The following DDO variants were observed in gnomAD, a reference collection of about 807,000 sequenced individuals.
DDO encodes the protein D-aspartate oxidase, DDO.
In DDO, 16 loss-of-function variants were observed where a neutral mutation model predicts 16.8. That is an observed-to-expected ratio of 0.95 (90% CI 0.65 to 1.45). DDO has a LOEUF of 1.45. Among genes scored for constraint, DDO ranks in the 40% most tolerant of loss-of-function variants. DDO has a pLI of 0.00. For missense variants in DDO, 429 were observed against 420.3 expected (o/e 1.02, Z -0.18); for synonymous variants, 180 against 167.2 (o/e 1.08, Z -0.59).
intron 4 of DDO, 75 bp downstream of exon 4, chr6:110,404,699 T>C: frequency 1.3e-6 from 2 of 1,505,004 alleles, no homozygotes; most frequent in Non-Finnish European, 1.8e-6. Flanking sequence ...CTTTTCAGTA[T>C]GTATTTTATG....
chr6:110,413,603 A>G, intron 1 of DDO, 137 bp from the exon 2 acceptor site: 1 of 803,388 alleles, frequency 1.2e-6, no homozygotes, highest in South Asian at 1.9e-5. Flanking sequence ...TTCTTGTGAG[A>G]TAAAGAGGAT....
downstream of DDO, among the ~76,000 whole-genome samples, chr6:110,390,473 G>A (rs1411986853): frequency 2.0e-5 from 3 of 152,216 alleles, no homozygotes; most frequent in African/African-American, 7.2e-5. Flanking sequence ...AGCAATTAGT[G>A]AAAATGAAAT....
chr6:110,404,995 A>ATGTTATTTC, intron 3 of DDO, 45 bp from the exon 4 acceptor site: 1 of 1,532,712 alleles, frequency 6.5e-7, no homozygotes, highest in Non-Finnish European at 9.0e-7. Flanking sequence ...TTTGTGAAAT[A>ATGTTATTTC]ACATATTTCT....
At chr6:110,394,949 T>C (rs1773243821) in intron 4 of DDO, among the ~76,000 whole-genome samples, 1 of 152,218 alleles carries the variant, frequency 6.6e-6, no homozygotes, top group Non-Finnish European at 1.5e-5. Context: ...CTTATGTTTC[T>C]TACCATCCCT....
At chr6:110,406,601 TA>T (rs1056890901) in intron 3 of DDO, among the ~76,000 whole-genome samples, 1 of 152,248 alleles carries the variant, frequency 6.6e-6, no homozygotes, top group Non-Finnish European at 1.5e-5. Flanking sequence ...CTTCACTGTG[TA>T]AACTCCCTCA....
At chr6:110,391,396 C>T (rs1773097008), downstream of DDO, among the ~76,000 whole-genome samples, 1 of 143,504 alleles carries the variant, frequency 7.0e-6, no homozygotes, top group African/African-American at 2.7e-5. Flanking sequence ...GTCACCCAGG[C>T]TGGAGTGTAA....
At chr6:110,402,782 G>A (rs1582480980) in intron 4 of DDO, among the ~76,000 whole-genome samples, 1 of 152,156 alleles carries the variant, frequency 6.6e-6, no homozygotes, top group African/African-American at 2.4e-5. Flanking sequence ...CCTTAGCTCT[G>A]TGTCCATTAC....
At chr6:110,399,622 G>A (rs1773408090) in intron 4 of DDO, among the ~76,000 whole-genome samples, 2 of 152,126 alleles carry the variant, frequency 1.3e-5, no homozygotes, top group African/African-American at 4.8e-5. Flanking sequence ...CCTCCTGAGG[G>A]AGGAAAGGGG....
At chr6:110,415,408 C>G (rs1774014397) in intron 1 of DDO, 59 bp downstream of exon 1, 1 of 1,604,678 alleles carries the variant, frequency 6.2e-7, no homozygotes, top group South Asian at 1.1e-5. Flanking sequence ...CAGACACACT[C>G]CCAAACTCCC....
At chr6:110,412,678 G>T (rs902487680) in intron 2 of DDO, among the ~76,000 whole-genome samples, 1 of 152,242 alleles carries the variant, frequency 6.6e-6, no homozygotes, top group African/African-American at 2.4e-5. Flanking sequence ...CAATCAGGAT[G>T]ACAGCTGCTC....
In DDO at chr6:110,392,924, GC is replaced by G. The variant is rs1773152077; in HGVS notation, c.876del (p.Arg293GlufsTer8). 1 of 1,614,094 alleles carries G rather than the reference GC, an allele frequency of 6.2e-7. No homozygotes were observed. Among genetic ancestry groups the G allele is most frequent in the African/African-American group, 1.3e-5 (1 of 74,934 alleles). Reference sequence around the variant, plus strand: ...ACTACAGGCAGCCTCTGTCCATCTCGCGCAAGGAGCTCTGTCTGCAGTCGCA... The same window carrying G: ...ACTACAGGCAGCCTCTGTCCATCTCGGCAAGGAGCTCTGTCTGCAGTCGCA... ...PGVRLQTELL[A>X]RDGQRLPVVH... On this transcript the variant is annotated frameshift_variant, in exon 5 of 5. Transcript: ENST00000368924. LOFTEE classifies it high-confidence loss of function.
chr6:110,409,137 C>A (rs1376272784), intron 2 of DDO, among the ~76,000 whole-genome samples: 1 of 152,222 alleles, frequency 6.6e-6, no homozygotes, highest in African/African-American at 2.4e-5. Context: ...CCCCCAGGCA[C>A]CTCTGCCAGA....
intron 2 of DDO, among the ~76,000 whole-genome samples, chr6:110,410,977 C>T (rs1253535260): frequency 1.3e-5 from 2 of 152,064 alleles, no homozygotes; most frequent in African/African-American, 4.8e-5. Context: ...GACTGGAAAA[C>T]ACAAAGCACC....
intron 2 of DDO, 122 bp from the exon 3 acceptor site, chr6:110,408,564 G>A (rs957012594): frequency 1.3e-6 from 1 of 767,236 alleles, no homozygotes; most frequent in Non-Finnish European, 2.1e-6. Context: ...AAAATAAGGA[G>A]GCAGGGAGGA....
rs1348245435 is a variant in DDO, at chr6:110,413,356, T to C, written c.107A>G (p.Asp36Gly). 6 of 1,614,084 alleles carry C rather than the reference T, an allele frequency of 3.7e-6. No homozygotes were observed. The highest frequency in any genetic ancestry group is 1.7e-5 in the Admixed American group (1 of 60,020). Residue 36 changes from aspartate to glycine, a missense_variant, in exon 2 of 5, where the codon GAC becomes GGC. Coordinates refer to ENST00000368924, the MANE Select transcript of DDO (RefSeq NM_001372108.2). ...ACTGGTGGTATCTGGAGTAAACTTG[T>C]CTGAAATGATGGTAACGGAGCATCG... ...VPRCSVTIIS[D>G]KFTPDTTSDV...
chr6:110,394,434 G>T (rs1301460508), intron 4 of DDO, among the ~76,000 whole-genome samples: 2 of 152,070 alleles, frequency 1.3e-5, no homozygotes, highest in Non-Finnish European at 2.9e-5. Context: ...CTTGCAAAAT[G>T]GAAAGTCTAC....
intron 3 of DDO, among the ~76,000 whole-genome samples, chr6:110,407,488 C>T (rs1292336057): frequency 6.6e-6 from 1 of 151,990 alleles, no homozygotes; most frequent in Non-Finnish European, 1.5e-5. Context: ...ACTAGACTAG[C>T]AAAAAACCCC....
At chr6:110,395,402 T>C (rs888494026) in intron 4 of DDO, among the ~76,000 whole-genome samples, 2 of 151,946 alleles carry the variant, frequency 1.3e-5, no homozygotes, top group African/African-American at 4.8e-5. Context: ...TTGGCTCTCC[T>C]GGGTCTCCTG....
At chr6:110,411,344 A>T (rs1213220001) in intron 2 of DDO, among the ~76,000 whole-genome samples, 1 of 152,152 alleles carries the variant, frequency 6.6e-6, no homozygotes, top group Non-Finnish European at 1.5e-5. Context: ...GGCCAAGAAA[A>T]ACCTCTATCA....
Sources: gnomAD v4.1 joint callset for allele counts (sites outside exome capture counted in the v4.1 genomes callset) on GRCh38, gnomAD v4.1.1 for gene constraint, MANE v1.5 for transcripts, NCBI Gene and HGNC (gene_info 2026-07-23, HGNC 2026-07-21) for gene names.